The following CREG2 variants were observed in gnomAD, a reference collection of about 807,000 sequenced individuals.
CREG2 encodes the protein cellular repressor of E1A stimulated genes 2, also known as protein CREG2.
Under a neutral mutation model 26.2 loss-of-function variants are expected in CREG2, and 24 were observed. The observed-to-expected ratio is 0.92, with a 90% CI of 0.66 to 1.29. The LOEUF is 1.29. CREG2 is among the 50% of genes most tolerant of loss of function. CREG2 has a pLI of 0.00. For synonymous variants in CREG2, 174 were observed against 169.2 expected, an observed-to-expected ratio of 1.03 and a Z score of -0.22; for missense variants, 366 against 398.6, an observed-to-expected ratio of 0.92 and a Z score of 0.70.
At chr2:101,355,733 C>A (rs1305239031) in intron 2 of CREG2, among the ~76,000 whole-genome samples, 1 of 151,796 alleles carries the variant, frequency 6.6e-6, no homozygotes, top group Non-Finnish European at 1.5e-5. Flanking sequence ...GGTGGGAGTG[C>A]TTGTTTTGCT....
At chr2:101,381,685 C>T (rs547588081) in intron 2 of CREG2, among the ~76,000 whole-genome samples, 2 of 152,296 alleles carry the variant, frequency 1.3e-5, no homozygotes, top group African/African-American at 2.4e-5. Context: ...CCCATGAGTG[C>T]GTCTCATCCT....
intron 3 of CREG2, among the ~76,000 whole-genome samples, chr2:101,352,527 G>A (rs1410451338): frequency 6.6e-6 from 1 of 152,192 alleles, no homozygotes; most frequent in African/African-American, 2.4e-5. Flanking sequence ...GTAGTGCCTG[G>A]CTGGGCGTAG....
At chr2:101,383,852 G>T (rs1271830232) in intron 1 of CREG2, 150 bp from the exon 2 acceptor site, 5 of 694,740 alleles carry the variant, frequency 7.2e-6, no homozygotes, top group Admixed American at 6.4e-5. Flanking sequence ...GTAAATCAAG[G>T]TGAGGTGGTC....
At chr2:101,371,814 T>A (rs1441358925) in intron 2 of CREG2, among the ~76,000 whole-genome samples, 1 of 152,024 alleles carries the variant, frequency 6.6e-6, no homozygotes, top group Admixed American at 6.5e-5. Context: ...TGGTATGGGC[T>A]TTTCAGAGGG....
At chr2:101,367,878 T>TTTTTCAGCTCCTAGGCAAG (rs1194265132) in intron 2 of CREG2, among the ~76,000 whole-genome samples, 3 of 152,150 alleles carry the variant, frequency 2.0e-5, no homozygotes, top group African/African-American at 7.2e-5. Context: ...CTCTAGGAGC[T>TTTTTCAGCTCCTAGGCAAG]GAAAAGGCAA....
At chr2:101,356,315 C>T (rs1684458981) in intron 2 of CREG2, among the ~76,000 whole-genome samples, 1 of 152,098 alleles carries the variant, frequency 6.6e-6, no homozygotes, top group Non-Finnish European at 1.5e-5. Flanking sequence ...AACAGGAATG[C>T]CTGTTCTCAT....
chr2:101,363,259 A>G (rs370009125), intron 2 of CREG2, among the ~76,000 whole-genome samples: 1 of 152,152 alleles, frequency 6.6e-6, no homozygotes, highest in East Asian at 1.9e-4. Flanking sequence ...AGCACTTTGT[A>G]TGCAGCGGAG....
chr2:101,369,417 G>A (rs1684669403), intron 2 of CREG2, among the ~76,000 whole-genome samples: 1 of 152,128 alleles, frequency 6.6e-6, no homozygotes, highest in Non-Finnish European at 1.5e-5. Flanking sequence ...GAAGAAGCGG[G>A]GTTCGAGGTG....
chr2:101,376,299 A>G (rs1265102745), intron 2 of CREG2, among the ~76,000 whole-genome samples: 1 of 148,948 alleles, frequency 6.7e-6, no homozygotes. Flanking sequence ...TTTTTTTAAC[A>G]CAGAGTGTCA....
chr2:101,358,080 G>A (rs1469693541), intron 2 of CREG2, among the ~76,000 whole-genome samples: 3 of 151,724 alleles, frequency 2.0e-5, no homozygotes, highest in Non-Finnish European at 4.4e-5. Context: ...TGCAACCTCT[G>A]CCTCCCAGGT....
chr2:101,345,978 C>A lies in CREG2; in HGVS notation c.*4945G>T, dbSNP rs1464824257. Reference sequence around the variant, plus strand: ...AGCTAGAACTACAGGTGTGCACCACCATGCTGGGCTTTTTTTTTTTTTTTT... The same window carrying A: ...AGCTAGAACTACAGGTGTGCACCACAATGCTGGGCTTTTTTTTTTTTTTTT... On this transcript the variant is annotated 3_prime_UTR_variant, in exon 4 of 4. Coordinates refer to ENST00000324768, the MANE Select transcript of CREG2 (RefSeq NM_153836.4). 3 of 142,946 alleles carry A rather than the reference C, an allele frequency of 2.1e-5. No homozygotes were observed. The highest frequency in any genetic ancestry group is 4.5e-5 in the Non-Finnish European group (3 of 66,210). The allele number at this position is 142,946 out of a possible 1,614,324, so 8.9% of individuals were successfully genotyped here.
chr2:101,351,106 C>G, intron 3 of CREG2, 36 bp from the exon 4 acceptor site: 2 of 1,605,804 alleles, frequency 1.2e-6, no homozygotes, highest in African/African-American at 1.3e-5. Flanking sequence ...TAAAGCTGCT[C>G]TTATCAGAGA....
chr2:101,378,226 T>C (rs982146218), intron 2 of CREG2, among the ~76,000 whole-genome samples: 1 of 152,250 alleles, frequency 6.6e-6, no homozygotes, highest in South Asian at 2.1e-4. Context: ...GATTTGTCTT[T>C]CTGTCAGACT....
intron 2 of CREG2, among the ~76,000 whole-genome samples, chr2:101,357,855 A>G (rs1684484402): frequency 6.6e-6 from 1 of 150,740 alleles, no homozygotes; most frequent in South Asian, 2.1e-4. Context: ...AAGCTAGGCT[A>G]CCTCCCAGCT....
chr2:101,362,762 C>T (rs1459306698), intron 2 of CREG2, among the ~76,000 whole-genome samples: 4 of 152,214 alleles, frequency 2.6e-5, no homozygotes, highest in African/African-American at 9.6e-5. Context: ...CCCCTTTCAC[C>T]TGACTTTAGA....
rs886983521 is a variant in CREG2 at position 101,383,568 on chromosome 2, C to T, written c.576G>A (p.Ser192=). The T allele has an allele frequency of 6.8e-6, 11 of 1,614,002 alleles. No individual in the cohort carries two copies. The highest frequency in any genetic ancestry group is 1.7e-4 in the Middle Eastern group (1 of 6,040). Residue 192 remains serine, a synonymous_variant, in exon 2 of 4, where the codon TCG becomes TCA. Transcript: ENST00000324768. Reference sequence around the variant, plus strand: ...CCCCTTCTGATTCTGGCAGCATCAGCGAGGCCATGGGGTTCTTCATCAGAT... The same window carrying T: ...CCCCTTCTGATTCTGGCAGCATCAGTGAGGCCATGGGGTTCTTCATCAGAT... The part of the protein sequence containing the change: ...VADLMKNPMA[S]LMLPESEGEF...
At chr2:101,380,286 C>A (rs778950074) in intron 2 of CREG2, among the ~76,000 whole-genome samples, 1 of 152,206 alleles carries the variant, frequency 6.6e-6, no homozygotes, top group African/African-American at 2.4e-5. Context: ...TTGTTGGAGG[C>A]TTCTTGCTCC....
At chr2:101,384,900 C>T (rs2104489325) in intron 1 of CREG2, among the ~76,000 whole-genome samples, 2 of 152,128 alleles carry the variant, frequency 1.3e-5, no homozygotes, top group Middle Eastern at 3.4e-3. Flanking sequence ...CTGGCACCTT[C>T]CCCTCTCTCT....
intron 2 of CREG2, among the ~76,000 whole-genome samples, chr2:101,364,230 T>C (rs1254275884): frequency 6.6e-6 from 1 of 152,152 alleles, no homozygotes; most frequent in Non-Finnish European, 1.5e-5. Context: ...GGAAGGTAGG[T>C]GTAGACCAGG....
Sources: allele counts gnomAD v4.1 joint callset (sites outside exome capture counted in the v4.1 genomes callset), GRCh38; gene constraint gnomAD v4.1.1; transcripts MANE v1.5; gene names NCBI Gene and HGNC (gene_info 2026-07-23, HGNC 2026-07-21).